DGKB: variants seen among roughly 807,000 people sequenced by gnomAD.
The protein encoded by DGKB is diacylglycerol kinase beta, also known as 90 kDa diacylglycerol kinase.
Under a neutral mutation model 114.3 loss-of-function variants are expected in DGKB, and 67 were observed. The ratio of observed to expected loss-of-function variants is 0.59; its 90% CI spans 0.48 to 0.72. DGKB has a LOEUF of 0.72. Ranked by LOEUF, DGKB falls within the 30% of genes least tolerant of loss-of-function variation. The pLI, the probability that DGKB is intolerant of heterozygous loss-of-function variation, is 0.00. For synonymous variants in DGKB, 398 were observed against 323.1 expected (o/e 1.23, Z -2.49); for missense variants, 907 against 975.2 (o/e 0.93, Z 0.93).
chr7:14,387,411 CAAAAAAAAAAA>C (rs34477734), intron 21 of DGKB, among the ~76,000 whole-genome samples: 5 of 102,424 alleles, frequency 4.9e-5, no homozygotes, highest in African/African-American at 2.0e-4. Flanking sequence ...GACTCCATCT[CAAAAAAAAAAA>C]AAAAAAAAAA....
intron 21 of DGKB, among the ~76,000 whole-genome samples, chr7:14,382,911 C>T (rs572691769): frequency 9.9e-5 from 15 of 151,884 alleles, no homozygotes; most frequent in Non-Finnish European, 1.6e-4. Context: ...GAGGAAGGGG[C>T]CAGAAGGAAT....
intron 21 of DGKB, among the ~76,000 whole-genome samples, chr7:14,352,910 C>G (rs575556575): frequency 5.0e-4 from 75 of 151,472 alleles, no homozygotes; most frequent in African/African-American, 1.7e-3. Context: ...GCAACAAGAG[C>G]GAAACTCTGT....
chr7:14,968,252 A>T (rs1429322622), intron 1 of DGKB, among the ~76,000 whole-genome samples: 1 of 152,072 alleles, frequency 6.6e-6, no homozygotes, highest in African/African-American at 2.4e-5. Flanking sequence ...AACATGAACA[A>T]TTTTTTAAAT....
chr7:14,503,621 G>A (rs1226480147), intron 20 of DGKB, among the ~76,000 whole-genome samples: 1 of 152,124 alleles, frequency 6.6e-6, no homozygotes, highest in Non-Finnish European at 1.5e-5. Context: ...GTATAAATAA[G>A]ATTAACTCCG....
intron 21 of DGKB, among the ~76,000 whole-genome samples, chr7:14,440,613 G>A (rs1231144989): frequency 1.3e-5 from 2 of 152,172 alleles, no homozygotes; most frequent in Non-Finnish European, 2.9e-5. Flanking sequence ...TCTATTGCTT[G>A]AATTTGCTAA....
At chr7:14,589,940 T>G in intron 17 of DGKB, among the ~76,000 whole-genome samples, 1 of 151,112 alleles carries the variant, frequency 6.6e-6, no homozygotes, top group East Asian at 2.0e-4. Flanking sequence ...TTACGATTTT[T>G]TGTGGAAGAA....
At chr7:14,592,209 C>T (rs11767626) in intron 17 of DGKB, among the ~76,000 whole-genome samples, 48,001 of 151,588 alleles carry the variant, frequency 0.32, 9,947 homozygotes, top group Non-Finnish European at 0.45. Context: ...GGTGAATGCT[C>T]GCTTTAATTA....
intron 1 of DGKB, among the ~76,000 whole-genome samples, chr7:14,923,424 C>T (rs1784604289): frequency 6.6e-6 from 1 of 152,150 alleles, no homozygotes; most frequent in South Asian, 2.1e-4. Context: ...AGATTATATG[C>T]TTTTGTGATT....
At chr7:14,242,924 G>A (rs1445447449) in intron 23 of DGKB, among the ~76,000 whole-genome samples, 5 of 149,256 alleles carry the variant, frequency 3.3e-5, no homozygotes, top group Non-Finnish European at 7.4e-5. Context: ...TACTGTAAAT[G>A]TTTGGAATTT....
At chr7:14,230,717 T>C (rs1487943591) in intron 23 of DGKB, among the ~76,000 whole-genome samples, 1 of 142,644 alleles carries the variant, frequency 7.0e-6, no homozygotes, top group East Asian at 2.1e-4. Context: ...TAGTCTTATC[T>C]CTTTTCATTC....
At chr7:14,799,943 G>T (rs1178884041) in intron 2 of DGKB, among the ~76,000 whole-genome samples, 3 of 151,394 alleles carry the variant, frequency 2.0e-5, no homozygotes, top group Non-Finnish European at 4.4e-5. Context: ...TTTTGACAGA[G>T]TCTCACTCTG....
chr7:14,577,413 C>A (rs534833262), intron 19 of DGKB, among the ~76,000 whole-genome samples: 1 of 152,240 alleles, frequency 6.6e-6, no homozygotes, highest in African/African-American at 2.4e-5. Flanking sequence ...GTCAGGAGAT[C>A]AAGACCATTC....
At chr7:14,247,759 A>G (rs1311566826) in intron 23 of DGKB, among the ~76,000 whole-genome samples, 1 of 151,972 alleles carries the variant, frequency 6.6e-6, no homozygotes, top group Non-Finnish European at 1.5e-5. Flanking sequence ...TCTTTATCAG[A>G]CGCATAATTT....
intron 21 of DGKB, among the ~76,000 whole-genome samples, chr7:14,369,371 C>T (rs1038435926): frequency 2.0e-5 from 3 of 152,086 alleles, no homozygotes; most frequent in African/African-American, 7.2e-5. Flanking sequence ...AACAGTGCTG[C>T]AATAAACATA....
intron 2 of DGKB, among the ~76,000 whole-genome samples, chr7:14,798,787 T>C (rs1359314221): frequency 2.0e-5 from 3 of 152,200 alleles, no homozygotes; most frequent in African/African-American, 7.2e-5. Flanking sequence ...ATCCTGTGGT[T>C]ATTTCCCCAG....
intron 23 of DGKB, among the ~76,000 whole-genome samples, chr7:14,236,162 T>C (rs1484511334): frequency 6.6e-6 from 1 of 152,002 alleles, no homozygotes; most frequent in Non-Finnish European, 1.5e-5. Flanking sequence ...AAATTACAGA[T>C]AGTATTTGAA....
intron 21 of DGKB, among the ~76,000 whole-genome samples, chr7:14,396,871 G>A (rs2128719125): frequency 6.6e-6 from 1 of 152,124 alleles, no homozygotes; most frequent in African/African-American, 2.4e-5. Context: ...CAGAATAGTT[G>A]CTGTAGTCTC....
At chr7:14,414,347 A>G (rs1583756152) in intron 21 of DGKB, among the ~76,000 whole-genome samples, 1 of 152,212 alleles carries the variant, frequency 6.6e-6, no homozygotes, top group Non-Finnish European at 1.5e-5. Flanking sequence ...TAAAAATGAG[A>G]GTTGAAAAGA....
intron 21 of DGKB, among the ~76,000 whole-genome samples, chr7:14,366,989 T>C (rs891173893): frequency 1.3e-5 from 2 of 152,098 alleles, no homozygotes; most frequent in Non-Finnish European, 2.9e-5. Context: ...TAGTCTACAA[T>C]GGTGTGAAAG....
Sources: gnomAD v4.1 joint callset for allele counts (sites outside exome capture counted in the v4.1 genomes callset) on GRCh38, gnomAD v4.1.1 for gene constraint, MANE v1.5 for transcripts, NCBI Gene and HGNC (gene_info 2026-07-23, HGNC 2026-07-21) for gene names.